The following TCF7L2 variants were observed in gnomAD, a reference collection of about 807,000 sequenced individuals.
TCF7L2 encodes transcription factor 7 like 2.
TCF7L2 carries 23 observed loss-of-function variants against 77.9 expected under a neutral mutation model. That is an observed-to-expected ratio of 0.30 (90% CI 0.21 to 0.42). The LOEUF (loss-of-function observed/expected upper bound fraction) is 0.42, where lower values mean the gene tolerates loss of function less well. Among genes scored for constraint, TCF7L2 ranks in the 10% least tolerant of loss-of-function variants. The pLI is 1.00. For synonymous variants in TCF7L2, 413 were observed against 340.2 expected (o/e 1.21, Z -2.36); for missense variants, 654 against 793.1 (o/e 0.82, Z 2.11).
At chr10:113,142,259 G>A (rs945281228) in intron 6 of TCF7L2, among the ~76,000 whole-genome samples, 10 of 152,178 alleles carry the variant, frequency 6.6e-5, no homozygotes, top group Non-Finnish European at 1.2e-4. Context: ...CAAAGTGCTG[G>A]GATTACAGGC....
intron 13 of TCF7L2, among the ~76,000 whole-genome samples, chr10:113,162,504 TA>T (rs963256481): frequency 5.3e-4 from 79 of 149,592 alleles, no homozygotes; most frequent in Non-Finnish European, 8.5e-4. Flanking sequence ...TATTGATATA[TA>T]AAAAAAAAAT....
chr10:112,957,809 G>T (rs1449788827), intron 3 of TCF7L2, among the ~76,000 whole-genome samples: 1 of 152,178 alleles, frequency 6.6e-6, no homozygotes, highest in African/African-American at 2.4e-5. Context: ...TGGAGTGTGA[G>T]AGAGAAGGCC....
chr10:113,038,343 C>T (rs901394366), intron 4 of TCF7L2, among the ~76,000 whole-genome samples: 1 of 152,158 alleles, frequency 6.6e-6, no homozygotes, highest in Non-Finnish European at 1.5e-5. Context: ...CTAGGTTGCT[C>T]ACCACGGGAG....
intron 4 of TCF7L2, among the ~76,000 whole-genome samples, chr10:112,970,809 C>G (rs759825209): frequency 1.8e-4 from 27 of 152,186 alleles, no homozygotes; most frequent in Non-Finnish European, 3.1e-4. Context: ...AGCAGCAGAT[C>G]CAGGCTAAGT....
At chr10:113,089,408 C>A in intron 5 of TCF7L2, 2 of 1,613,630 alleles carry the variant, frequency 1.2e-6, no homozygotes, top group Non-Finnish European at 1.7e-6. Context: ...AGAGCCCCCT[C>A]CCTTGCTGCA....
At chr10:113,078,250 T>A (rs1319297197) in intron 5 of TCF7L2, among the ~76,000 whole-genome samples, 1 of 152,160 alleles carries the variant, frequency 6.6e-6, no homozygotes, top group Non-Finnish European at 1.5e-5. Flanking sequence ...TGATCAAGTC[T>A]ATGAGCGGTC....
Position 113,039,980 on chromosome 10 carries a change from T to C in TCF7L2, c.451-45T>C, listed in dbSNP as rs766648941. On this transcript the variant is annotated intron_variant, in intron 4 of 13. Transcript: ENST00000627217. Reference sequence around the variant, plus strand: ...TGGGCTAGTTGTTCTGCATTTACTTTCTGAATTCATTGTTTTTCATTTCAC... The same window carrying C: ...TGGGCTAGTTGTTCTGCATTTACTTCCTGAATTCATTGTTTTTCATTTCAC... 1.9e-6 allele frequency: 3 copies of C among 1,568,384 alleles called. No homozygotes were observed. The African/African-American group carries it at 4.1e-5, about 21-fold the overall frequency.
chr10:113,074,087 A>G (rs1216897480), intron 5 of TCF7L2, among the ~76,000 whole-genome samples: 1 of 152,106 alleles, frequency 6.6e-6, no homozygotes, highest in Non-Finnish European at 1.5e-5. Flanking sequence ...CAGGCTGACT[A>G]ACACACCAAA....
chr10:112,973,937 T>G (rs2038857810), intron 4 of TCF7L2, among the ~76,000 whole-genome samples: 1 of 152,214 alleles, frequency 6.6e-6, no homozygotes, highest in South Asian at 2.1e-4. Flanking sequence ...TTGCCCAGGC[T>G]GATACAGTCC....
intron 4 of TCF7L2, among the ~76,000 whole-genome samples, chr10:113,003,839 T>C (rs2044978003): frequency 1.3e-5 from 2 of 152,358 alleles, no homozygotes; most frequent in South Asian, 2.1e-4. Context: ...TAGGCCACCA[T>C]GGCTTTCAGC....
chr10:113,146,239 C>A, intron 8 of TCF7L2, 142 bp downstream of exon 8: 2 of 709,274 alleles, frequency 2.8e-6, no homozygotes, highest in East Asian at 2.7e-5. Flanking sequence ...AGGCTGTACT[C>A]CCAGAAAATC....
intron 4 of TCF7L2, among the ~76,000 whole-genome samples, 160 bp downstream of exon 4, chr10:112,964,784 G>GTGGTGGTGGTGGTGGTGGTGGTGA (rs1564719146): frequency 5.6e-5 from 8 of 143,702 alleles, no homozygotes; most frequent in African/African-American, 2.2e-4. Flanking sequence ...GGTGATGGTG[G>GTGGTGGTGGTGGTGGTGGTGGTGA]TGGTGGTGAT....
At chr10:112,973,772 G>A (rs967089765) in intron 4 of TCF7L2, among the ~76,000 whole-genome samples, 3 of 151,962 alleles carry the variant, frequency 2.0e-5, no homozygotes, top group Non-Finnish European at 2.9e-5. Context: ...TGTATTTTTG[G>A]TAGATACGGC....
intron 4 of TCF7L2, among the ~76,000 whole-genome samples, chr10:113,025,246 C>T (rs563347546): frequency 9.7e-4 from 121 of 124,112 alleles, no homozygotes; most frequent in South Asian, 3.6e-3. Flanking sequence ...TTTTTTGAGA[C>T]GGAGTCTGGA....
At chr10:112,986,174 G>A (rs141674470) in intron 4 of TCF7L2, among the ~76,000 whole-genome samples, 16 of 152,216 alleles carry the variant, frequency 1.1e-4, no homozygotes, top group Admixed American at 5.2e-4. Context: ...TTATGGAGCA[G>A]GAGACAGATG....
At chr10:113,006,835 G>A (rs1481895799) in intron 4 of TCF7L2, among the ~76,000 whole-genome samples, 1 of 152,196 alleles carries the variant, frequency 6.6e-6, no homozygotes, top group Non-Finnish European at 1.5e-5. Flanking sequence ...TGGAAGTCCT[G>A]TGCAGCTGGC....
At chr10:113,033,556 T>C (rs1387664141) in intron 4 of TCF7L2, among the ~76,000 whole-genome samples, 1 of 152,212 alleles carries the variant, frequency 6.6e-6, no homozygotes, top group African/African-American at 2.4e-5. Context: ...CTTGAAATTT[T>C]TCTATGGCTT....
chr10:113,035,514 G>A (rs1338403358), intron 4 of TCF7L2, among the ~76,000 whole-genome samples: 2 of 152,200 alleles, frequency 1.3e-5, no homozygotes, highest in Non-Finnish European at 2.9e-5. Context: ...GTGCAGTGGT[G>A]CAATCACGGC....
chr10:113,159,778 T>G, intron 12 of TCF7L2, 142 bp from the exon 14 acceptor site: 7 of 626,738 alleles, frequency 1.1e-5, no homozygotes, highest in Non-Finnish European at 1.7e-5. Context: ...AACCAGGTCA[T>G]TGATTTATTC....
Sources: allele counts gnomAD v4.1 joint callset (sites outside exome capture counted in the v4.1 genomes callset), GRCh38; gene constraint gnomAD v4.1.1; transcripts MANE v1.5; gene names NCBI Gene and HGNC (gene_info 2026-07-23, HGNC 2026-07-21).